The following RGS9 variants were observed in gnomAD, a reference collection of about 807,000 sequenced individuals.
The protein encoded by RGS9 is regulator of G-protein signalling 9.
Under a neutral mutation model 102.0 loss-of-function variants are expected in RGS9, and 78 were observed. The observed-to-expected ratio is 0.76, with a 90% confidence interval of 0.64 to 0.92. RGS9 has a LOEUF of 0.92. Among genes scored for constraint, RGS9 ranks in the 40% least tolerant of loss-of-function variants. The probability of loss-of-function intolerance (pLI) is 0.00; values close to 1 mark genes in which losing one functional copy is unlikely to be tolerated. For synonymous variants in RGS9, 353 were observed against 318.6 expected (o/e 1.11, Z -1.15); for missense variants, 833 against 866.1 (o/e 0.96, Z 0.48).
At chr17:65,159,129 AG>A (rs1161983278) in intron 3 of RGS9, among the ~76,000 whole-genome samples, 2 of 152,034 alleles carry the variant, frequency 1.3e-5, no homozygotes, top group African/African-American at 2.4e-5. Context: ...TGGCTCAAAA[AG>A]CTCCCCCACT....
chr17:65,163,524 A>G (rs943441002), intron 7 of RGS9, among the ~76,000 whole-genome samples: 1 of 152,070 alleles, frequency 6.6e-6, no homozygotes, highest in African/African-American at 2.4e-5. Context: ...CTTGTTTTTG[A>G]GCATTTATGT....
intron 17 of RGS9, among the ~76,000 whole-genome samples, chr17:65,213,359 C>T (rs147220622): frequency 6.6e-6 from 1 of 152,326 alleles, no homozygotes; most frequent in African/African-American, 2.4e-5. Flanking sequence ...TGCCCTCCAA[C>T]TTCTGGGGGA....
rs192069288 is a variant in RGS9 at position 65,199,218 on chromosome 17, A to G, written c.976+1977A>G. Among the ~76,000 whole-genome samples, 9 of 152,300 alleles carry G rather than the reference A, an allele frequency of 5.9e-5. No homozygotes were observed. The East Asian group carries it at 1.5e-3, about 26-fold the overall frequency. On this transcript the variant is annotated intron_variant, in intron 13 of 18. Transcript: ENST00000262406. Reference sequence around the variant, plus strand: ...ACAATTCAGGGGTTTTAGTGTATTCACTAAATTGTGCAACCATCATCACTA... The same window carrying G: ...ACAATTCAGGGGTTTTAGTGTATTCGCTAAATTGTGCAACCATCATCACTA...
chr17:65,210,118 T>G (rs939034075), intron 16 of RGS9, among the ~76,000 whole-genome samples: 5 of 150,984 alleles, frequency 3.3e-5, no homozygotes, highest in Admixed American at 6.6e-5. Flanking sequence ...GAAAAGAAAA[T>G]AAACAAATGC....
chr17:65,161,578 A>T (rs1028883075), intron 6 of RGS9, among the ~76,000 whole-genome samples: 8 of 151,784 alleles, frequency 5.3e-5, no homozygotes. Flanking sequence ...ATGGGAAAAC[A>T]ATAGGACTGT....
In RGS9 at chr17:65,225,054, G is replaced by C; in HGVS notation, c.1460G>C (p.Cys487Ser). The change falls in exon 18 of 19, where the codon TGC becomes TCC. Residue 487 changes from cysteine to serine, a missense_variant. Cys to Ser is a moderately radical substitution (Grantham distance 112). Transcript: ENST00000262406. ...CATCTGACCGTGTACACCGGGACCT[G>C]CATGCCCCCGTCTCCTTCTAGCCCC... ...SPHLTVYTGT[C>S]MPPSPSSPFS... 1 of 1,613,902 alleles carries C rather than the reference G, an allele frequency of 6.2e-7. No individual in the cohort carries two copies. The highest frequency in any genetic ancestry group is 8.5e-7 in the Non-Finnish European group (1 of 1,179,960).
intron 15 of RGS9, among the ~76,000 whole-genome samples, chr17:65,204,956 G>T (rs1912994209): frequency 6.6e-6 from 1 of 152,228 alleles, no homozygotes; most frequent in South Asian, 2.1e-4. Context: ...CAGAGTGATG[G>T]CAATTCTCAC....
intron 7 of RGS9, among the ~76,000 whole-genome samples, chr17:65,164,651 C>A (rs1006652085): frequency 6.6e-6 from 1 of 151,954 alleles, no homozygotes; most frequent in African/African-American, 2.4e-5. Flanking sequence ...ATTCTTATGG[C>A]GGAACAGCTT....
At chr17:65,145,556 T>A (rs1910323193) in intron 1 of RGS9, among the ~76,000 whole-genome samples, 1 of 124,284 alleles carries the variant, frequency 8.0e-6, no homozygotes, top group South Asian at 2.5e-4. Flanking sequence ...GGCTATTTTT[T>A]TTTTTTTTAA....
At chr17:65,179,796 C>T (rs1024423646) in intron 9 of RGS9, among the ~76,000 whole-genome samples, 5 of 152,084 alleles carry the variant, frequency 3.3e-5, no homozygotes, top group Admixed American at 3.3e-4. Context: ...ACTGTCTTTA[C>T]TGAGGAGGCA....
At chr17:65,211,279 C>A (rs111429403) in intron 17 of RGS9, among the ~76,000 whole-genome samples, 6 of 152,322 alleles carry the variant, frequency 3.9e-5, no homozygotes, top group African/African-American at 1.2e-4. Context: ...CCTGCTGAGA[C>A]GTTTCTCCTG....
In RGS9 at chr17:65,160,562, G is replaced by T; in HGVS notation, c.339G>T (p.Gln113His). Reference sequence around the variant, plus strand: ...CACCGTATTTCTGGCCCACCCAGCAGTGGCCAGCTGAAGATACCGATTACG... The same window carrying T: ...CACCGTATTTCTGGCCCACCCAGCATTGGCCAGCTGAAGATACCGATTACG... ...FQTPYFWPTQ[Q>H]WPAEDTDYAI... The change falls in exon 5 of 19, where the codon CAG (glutamine) becomes CAT (histidine). Residue 113 changes from glutamine to histidine, a missense_variant. Transcript: ENST00000262406. 1 of 1,614,240 alleles carries T rather than the reference G, an allele frequency of 6.2e-7. No homozygotes were observed. Among genetic ancestry groups the T allele is most frequent in the Non-Finnish European group, 8.5e-7 (1 of 1,180,040 alleles).
chr17:65,140,693 G>A (rs1403671479), intron 1 of RGS9, among the ~76,000 whole-genome samples: 1 of 152,166 alleles, frequency 6.6e-6, no homozygotes, highest in African/African-American at 2.4e-5. Flanking sequence ...TGGCCAACAT[G>A]GCAAAACCCT....
At chr17:65,227,123 A>G in intron 18 of RGS9, 152 bp from the exon 19 acceptor site, 1 of 892,514 alleles carries the variant, frequency 1.1e-6, no homozygotes, top group South Asian at 1.5e-5. Flanking sequence ...TTTGTAGTCA[A>G]ATGCTCTACC....
intron 17 of RGS9, among the ~76,000 whole-genome samples, chr17:65,211,065 T>G (rs1188806744): frequency 1.3e-5 from 2 of 152,142 alleles, no homozygotes; most frequent in East Asian, 3.9e-4. Flanking sequence ...ACTCTCTGCT[T>G]TGGAAAATTA....
intron 2 of RGS9, among the ~76,000 whole-genome samples, chr17:65,157,405 T>C (rs1567863658): frequency 6.6e-6 from 1 of 151,918 alleles, no homozygotes; most frequent in East Asian, 1.9e-4. Context: ...TCAGAGCTTC[T>C]GTGGGGTCGT....
chr17:65,161,705 T>C (rs1910989820), intron 6 of RGS9, among the ~76,000 whole-genome samples: 1 of 135,654 alleles, frequency 7.4e-6, no homozygotes, highest in African/African-American at 3.6e-5. Flanking sequence ...TATTTTTATT[T>C]ATATATTTAT....
Position 65,168,380 on chromosome 17 carries a change from C to T in RGS9, c.582+99C>T, listed in dbSNP as rs1483233244. ...GTTGCCAACTCCTCTTTCTCTAGGG[C>T]GAGAATTGGATCAGCAGGAGGAGCT... On this transcript the variant is annotated intron_variant, in intron 8 of 18. Coordinates refer to ENST00000262406, the MANE Select transcript of RGS9 (RefSeq NM_003835.4). 46 of 824,740 alleles carry T rather than the reference C, an allele frequency of 5.6e-5. 1 individual carries two copies. Among genetic ancestry groups the T allele is most frequent in the South Asian group, 1.3e-4 (9 of 69,156 alleles). The allele number at this position is 824,740 out of a possible 1,614,324, so 51.1% of individuals were successfully genotyped here. A position where few individuals can be genotyped will look rare whatever the true frequency, so the allele number is the denominator to read the frequency against.
intron 2 of RGS9, among the ~76,000 whole-genome samples, chr17:65,155,330 A>C (rs1910728552): frequency 6.6e-6 from 1 of 152,168 alleles, no homozygotes; most frequent in African/African-American, 2.4e-5. Flanking sequence ...GGGCCCTTTA[A>C]GGGAAAGTAC....
Sources: gnomAD v4.1 joint callset for allele counts (sites outside exome capture counted in the v4.1 genomes callset) on GRCh38, gnomAD v4.1.1 for gene constraint, MANE v1.5 for transcripts, NCBI Gene and HGNC (gene_info 2026-07-23, HGNC 2026-07-21) for gene names.